The following MACROD2 variants were observed in gnomAD, a reference collection of about 807,000 sequenced individuals.
MACROD2 encodes the protein mono-ADP ribosylhydrolase 2, also known as ADP-ribose glycohydrolase MACROD2.
MACROD2 carries 36 observed loss-of-function variants against 70.4 expected under a neutral mutation model. That is an observed-to-expected ratio of 0.51 (90% CI 0.39 to 0.68). The LOEUF (loss-of-function observed/expected upper bound fraction) is 0.68. Ranked by LOEUF, MACROD2 falls within the 30% of genes least tolerant of loss-of-function variation. The pLI is 0.00. For synonymous variants in MACROD2, 172 were observed against 178.8 expected (o/e 0.96, Z 0.30); for missense variants, 496 against 538.4 (o/e 0.92, Z 0.78).
At chr20:14,733,832 C>T (rs530995672) in intron 5 of MACROD2, among the ~76,000 whole-genome samples, 12 of 152,020 alleles carry the variant, frequency 7.9e-5, no homozygotes, top group Admixed American at 7.9e-4. Context: ...AAAATAGAAC[C>T]GACTTGAGAA....
chr20:14,924,415 G>C (rs1425877843), intron 5 of MACROD2, among the ~76,000 whole-genome samples: 2 of 150,974 alleles, frequency 1.3e-5, no homozygotes, highest in African/African-American at 4.9e-5. Context: ...CTCTAGCCTG[G>C]GTGACAGAGC....
intron 8 of MACROD2, among the ~76,000 whole-genome samples, chr20:15,642,725 C>A (rs2049480747): frequency 6.6e-6 from 1 of 152,026 alleles, no homozygotes; most frequent in Non-Finnish European, 1.5e-5. Context: ...CCTGGAGTAA[C>A]TGCTGAGGAG....
At chr20:14,468,575 C>T (rs569338794) in intron 3 of MACROD2, among the ~76,000 whole-genome samples, 69 of 151,588 alleles carry the variant, frequency 4.6e-4, no homozygotes, top group African/African-American at 1.6e-3. Flanking sequence ...TGCAGTGGCT[C>T]GATCTTGGCT....
chr20:15,599,244 T>C (rs2146684303), intron 8 of MACROD2, among the ~76,000 whole-genome samples: 1 of 151,148 alleles, frequency 6.6e-6, no homozygotes, highest in East Asian at 2.0e-4. Context: ...AAAAGAAAAT[T>C]AGCCGGGCAT....
chr20:15,640,727 C>A (rs1238895889), intron 8 of MACROD2, among the ~76,000 whole-genome samples: 3 of 152,210 alleles, frequency 2.0e-5, no homozygotes, highest in Non-Finnish European at 4.4e-5. Context: ...TCTCCTCAAA[C>A]TCTGGCCTGT....
intron 6 of MACROD2, among the ~76,000 whole-genome samples, chr20:15,299,947 C>T (rs1474038909): frequency 6.6e-6 from 1 of 152,174 alleles, no homozygotes; most frequent in African/African-American, 2.4e-5. Flanking sequence ...GTAGAAACAT[C>T]TAGCTTTTCT....
At chr20:15,873,422 T>G (rs1481177352) in intron 9 of MACROD2, among the ~76,000 whole-genome samples, 1 of 152,218 alleles carries the variant, frequency 6.6e-6, no homozygotes, top group African/African-American at 2.4e-5. Flanking sequence ...CAACATTCAT[T>G]TATTTTATTA....
At chr20:14,268,882 G>T (rs2082166859) in intron 3 of MACROD2, among the ~76,000 whole-genome samples, 1 of 152,018 alleles carries the variant, frequency 6.6e-6, no homozygotes, top group Non-Finnish European at 1.5e-5. Flanking sequence ...CAAGCTATCA[G>T]TTCCCATAGC....
chr20:15,021,160 GTGTA>G (rs1329561266), intron 5 of MACROD2, among the ~76,000 whole-genome samples: 3 of 126,348 alleles, frequency 2.4e-5, no homozygotes, highest in African/African-American at 6.3e-5. Flanking sequence ...ACACACCTGT[GTGTA>G]TGTATACACA....
At chr20:15,437,779 A>C (rs1175287795) in intron 7 of MACROD2, among the ~76,000 whole-genome samples, 2 of 152,088 alleles carry the variant, frequency 1.3e-5, no homozygotes, top group Non-Finnish European at 2.9e-5. Flanking sequence ...CTGTTAGTTT[A>C]CTAAGGATAA....
Position 14,926,010 on chromosome 20 carries a change from G to A in MACROD2, c.418+241051G>A, listed in dbSNP as rs536323317. ...TGGCATACTTACTCCATGAATTTAG[G>A]CAAGTTATTTGTCTCTTCACATGGT... On this transcript the variant is annotated intron_variant, in intron 5 of 17. Transcript: ENST00000684519. 5.3e-5 allele frequency among the ~76,000 whole-genome samples: 8 copies of A among 152,222 alleles called. No individual in the cohort carries two copies. In the South Asian group the frequency reaches 1.7e-3, roughly 32 times the overall value.
At chr20:15,767,711 G>A (rs914762760) in intron 8 of MACROD2, among the ~76,000 whole-genome samples, 3 of 152,108 alleles carry the variant, frequency 2.0e-5, no homozygotes, top group African/African-American at 7.2e-5. Context: ...CAATTTTCAA[G>A]TACCTTGTAT....
At chr20:14,050,597 T>A (rs932570001) in intron 2 of MACROD2, among the ~76,000 whole-genome samples, 1 of 151,772 alleles carries the variant, frequency 6.6e-6, no homozygotes, top group African/African-American at 2.4e-5. Context: ...AAACCAACAG[T>A]GCAAAACAGA....
At chr20:14,165,115 G>C (rs12624419) in intron 3 of MACROD2, among the ~76,000 whole-genome samples, 30,770 of 151,998 alleles carry the variant, frequency 0.2, 3,826 homozygotes, top group African/African-American at 0.35. Flanking sequence ...AGTCTGATGG[G>C]GGCTGAGTTC....
At chr20:15,768,905 C>T (rs994889470) in intron 8 of MACROD2, among the ~76,000 whole-genome samples, 3 of 152,098 alleles carry the variant, frequency 2.0e-5, no homozygotes, top group Non-Finnish European at 2.9e-5. Context: ...TCAGGATCAT[C>T]GATGTCACTA....
intron 5 of MACROD2, among the ~76,000 whole-genome samples, chr20:14,953,779 G>C (rs1418005943): frequency 6.6e-6 from 1 of 152,068 alleles, no homozygotes; most frequent in Non-Finnish European, 1.5e-5. Context: ...GTTACTTCTG[G>C]TTTTACAAAT....
At chr20:15,334,909 A>C (rs2078032003) in intron 6 of MACROD2, among the ~76,000 whole-genome samples, 1 of 151,754 alleles carries the variant, frequency 6.6e-6, no homozygotes, top group Admixed American at 6.6e-5. Flanking sequence ...ACCAATAAGG[A>C]TACTTGCTAT....
chr20:16,014,565 G>T (rs938988787), intron 15 of MACROD2, among the ~76,000 whole-genome samples: 1 of 152,178 alleles, frequency 6.6e-6, no homozygotes, highest in African/African-American at 2.4e-5. Context: ...TACAGAGTCT[G>T]TGTGCTAGGG....
At chr20:14,410,876 T>A (rs187926885) in intron 3 of MACROD2, among the ~76,000 whole-genome samples, 1 of 152,304 alleles carries the variant, frequency 6.6e-6, no homozygotes, top group East Asian at 1.9e-4. Flanking sequence ...CTCATGCTTG[T>A]CTCAGTGTCT....
Sources: gnomAD v4.1 joint callset for allele counts (sites outside exome capture counted in the v4.1 genomes callset) on GRCh38, gnomAD v4.1.1 for gene constraint, MANE v1.5 for transcripts, NCBI Gene and HGNC (gene_info 2026-07-23, HGNC 2026-07-21) for gene names.